The following ASCC3 variants were observed in gnomAD, a reference collection of about 807,000 sequenced individuals.
ASCC3 encodes activating signal cointegrator 1 complex subunit 3.
In ASCC3, 158 loss-of-function variants were observed where a neutral mutation model predicts 256.3. That is an observed-to-expected ratio of 0.62 (90% CI 0.54 to 0.70). The LOEUF is 0.70. ASCC3 is among the 30% of genes least tolerant of loss of function. The pLI, the probability that ASCC3 is intolerant of heterozygous loss-of-function variation, is 0.00. For synonymous variants in ASCC3, 948 were observed against 883.4 expected, an observed-to-expected ratio of 1.07 and a Z score of -1.30; for missense variants, 2,259 against 2,626.0, an observed-to-expected ratio of 0.86 and a Z score of 3.05.
At chr6:100,739,077 T>C (rs539694875) in intron 10 of ASCC3, among the ~76,000 whole-genome samples, 2 of 152,298 alleles carry the variant, frequency 1.3e-5, no homozygotes, top group African/African-American at 4.8e-5. Flanking sequence ...GGCCATGGGT[T>C]TGTCATATAT....
intron 36 of ASCC3, among the ~76,000 whole-genome samples, chr6:100,579,183 TTTG>T (rs1200407569): frequency 4.8e-5 from 7 of 145,976 alleles, no homozygotes; most frequent in East Asian, 2.0e-4. Context: ...AATGGGGTTG[TTTG>T]TTTTTTTTTT....
At chr6:100,619,374 G>C (rs529410526) in intron 30 of ASCC3, among the ~76,000 whole-genome samples, 1 of 152,124 alleles carries the variant, frequency 6.6e-6, no homozygotes, top group Non-Finnish European at 1.5e-5. Context: ...AACTTATCCT[G>C]ATGAAGAAAT....
At chr6:100,768,222 T>C (rs1450548709) in intron 8 of ASCC3, among the ~76,000 whole-genome samples, 1 of 152,156 alleles carries the variant, frequency 6.6e-6, no homozygotes, top group Non-Finnish European at 1.5e-5. Context: ...AGGTGTAGAA[T>C]ATACGATATT....
chr6:100,738,650 G>A (rs896504045), intron 10 of ASCC3, among the ~76,000 whole-genome samples: 4 of 152,158 alleles, frequency 2.6e-5, no homozygotes, highest in African/African-American at 7.2e-5. Context: ...CAGGTAGCAC[G>A]ATGCCTCCAG....
intron 8 of ASCC3, among the ~76,000 whole-genome samples, chr6:100,792,271 T>C (rs983110917): frequency 1.3e-5 from 2 of 151,900 alleles, no homozygotes; most frequent in Admixed American, 1.3e-4. Context: ...ATTGGGTATA[T>C]TTCGTGAAGC....
At chr6:100,625,128 TG>T in intron 30 of ASCC3, 63 bp downstream of exon 30, 1 of 1,572,742 alleles carries the variant, frequency 6.4e-7, no homozygotes, top group South Asian at 1.1e-5. Flanking sequence ...ACATATGTAA[TG>T]ATCATTCTAA....
chr6:100,695,955 C>T (rs937335616), intron 13 of ASCC3, among the ~76,000 whole-genome samples: 6 of 152,136 alleles, frequency 3.9e-5, no homozygotes, highest in Non-Finnish European at 8.8e-5. Flanking sequence ...GCAGGTAGGG[C>T]AACATCTTAG....
intron 20 of ASCC3, among the ~76,000 whole-genome samples, chr6:100,648,260 T>C (rs1365674879): frequency 6.6e-6 from 1 of 152,100 alleles, no homozygotes; most frequent in African/African-American, 2.4e-5. Context: ...TACAGCTAGC[T>C]CCCATTTATT....
At position 100,590,057 on chromosome 6, in the gene ASCC3, T is replaced by C; in HGVS notation, c.5306A>G (p.Tyr1769Cys). 1.2e-6 allele frequency: 2 copies of C among 1,607,106 alleles called. No individual in the cohort carries two copies. Among genetic ancestry groups the C allele is most frequent in the South Asian group, 1.1e-5 (1 of 90,898 alleles). ...ATGGCTCACATCACCCAAATTGTAA[T>C]AGCTAGAAAACAAGCAAGGTTATTA... ...FFRRLIMNPS[Y>C]YNLGDVSHDS... is the part of the protein sequence containing the mutation. The change falls in exon 35 of 42, where the codon TAT (tyrosine) becomes TGT (cysteine). Residue 1769 changes from tyrosine (Y) to cysteine (C), a missense_variant and splice_region_variant. Transcript: ENST00000369162.
chr6:100,711,586 C>T (rs1376169663), intron 13 of ASCC3, among the ~76,000 whole-genome samples: 8 of 151,842 alleles, frequency 5.3e-5, no homozygotes, highest in African/African-American at 1.9e-4. Context: ...AAAAATTAGC[C>T]GGGTGTGGTG....
chr6:100,716,033 G>A (rs558845175), intron 12 of ASCC3, among the ~76,000 whole-genome samples: 1 of 151,752 alleles, frequency 6.6e-6, no homozygotes, highest in Admixed American at 6.6e-5. Flanking sequence ...TATTGAGAGA[G>A]GTTGCTATTC....
Position 100,767,438 on chromosome 6 carries a change from T to A in ASCC3, c.1396-93A>T, listed in dbSNP as rs562377939. The A allele has an allele frequency of 7.1e-5, 93 of 1,310,310 alleles. No individual in the cohort carries two copies. In the South Asian group the frequency reaches 8.3e-4, roughly 12 times the overall value. 81.2% of individuals were successfully genotyped at this position (1,310,310 alleles called of 1,614,324 possible). On this transcript the variant is annotated intron_variant, in intron 8 of 41. Coordinates refer to ENST00000369162, the MANE Select transcript of ASCC3 (RefSeq NM_006828.4). ...GTTAACATTTATTTCCTTTGTTTTT[T>A]AAAAAAAAGACTAATTTGTACTTTC...
chr6:100,610,344 C>A (rs893058029), intron 30 of ASCC3, among the ~76,000 whole-genome samples: 4 of 152,060 alleles, frequency 2.6e-5, no homozygotes, highest in African/African-American at 7.2e-5. Context: ...GCTGCTGCTG[C>A]AGTTTAGTAA....
In ASCC3 at chr6:100,838,706, A is replaced by T. The variant is rs181599441; in HGVS notation, c.801+9442T>A. Among the ~76,000 whole-genome samples, 3 of 152,188 alleles carry T rather than the reference A, an allele frequency of 2.0e-5. No homozygotes were observed. The East Asian group carries it at 5.8e-4, about 29-fold the overall frequency. ...AATTAGCTGCATAGTAAATAAGTCA[A>T]AGCTAGGTACCACTACATATTTAAA... On this transcript the variant is annotated intron_variant, in intron 4 of 41. Coordinates refer to ENST00000369162, the MANE Select transcript of ASCC3 (RefSeq NM_006828.4).
At chr6:100,755,755 C>T (rs1781148702) in intron 10 of ASCC3, among the ~76,000 whole-genome samples, 1 of 151,970 alleles carries the variant, frequency 6.6e-6, no homozygotes. Context: ...ACAGACAAAA[C>T]AAAGACCTCC....
At chr6:100,615,339 T>C (rs1430837641) in intron 30 of ASCC3, among the ~76,000 whole-genome samples, 1 of 150,590 alleles carries the variant, frequency 6.6e-6, no homozygotes, top group Admixed American at 6.6e-5. Flanking sequence ...ACCCCCACCA[T>C]GACTTTTCCA....
At chr6:100,805,912 A>C (rs4839792) in intron 4 of ASCC3, 32 bp from the exon 5 acceptor site, 1 of 1,599,340 alleles carries the variant, frequency 6.3e-7, no homozygotes, top group Admixed American at 1.7e-5. Context: ...AACAAACATC[A>C]GTTATCTCAA....
intron 36 of ASCC3, among the ~76,000 whole-genome samples, chr6:100,547,318 A>G (rs1402832093): frequency 3.9e-5 from 6 of 152,042 alleles, no homozygotes; most frequent in Admixed American, 2.0e-4. Context: ...TTAGGAAAAA[A>G]TTTATTTGAT....
intron 1 of ASCC3, among the ~76,000 whole-genome samples, chr6:100,874,209 T>A (rs1266446689): frequency 6.6e-6 from 1 of 152,164 alleles, no homozygotes; most frequent in Non-Finnish European, 1.5e-5. Flanking sequence ...GGCTCACACC[T>A]GTAATCCCAG....
Sources: allele counts gnomAD v4.1 joint callset (sites outside exome capture counted in the v4.1 genomes callset), GRCh38; gene constraint gnomAD v4.1.1; transcripts MANE v1.5; gene names NCBI Gene and HGNC (gene_info 2026-07-23, HGNC 2026-07-21).